Variants in CASK observed in about 807,000 individuals in gnomAD.
The protein encoded by CASK is peripheral plasma membrane protein CASK.
CASK carries 4 observed loss-of-function variants against 82.9 expected under a neutral mutation model. That is an observed-to-expected ratio of 0.05 (90% confidence interval 0.02 to 0.11). The LOEUF is 0.11. CASK is among the 10% of genes least tolerant of loss of function. The pLI is 1.00. For synonymous variants in CASK, 259 were observed against 253.5 expected, an observed-to-expected ratio of 1.02 and a Z score of -0.20; for missense variants, 358 against 720.9, an observed-to-expected ratio of 0.50 and a Z score of 5.76.
At chrX:41,870,614 T>A (rs979783154) in intron 1 of CASK, among the ~76,000 whole-genome samples, 2 of 112,437 alleles carry the variant, frequency 1.8e-5, no homozygotes, top group Admixed American at 9.4e-5. Flanking sequence ...ACAGAAAGAA[T>A]TAAAATATAT....
chrX:41,824,448 G>A (rs1276362752), intron 2 of CASK, among the ~76,000 whole-genome samples: 3 of 112,334 alleles, frequency 2.7e-5, no homozygotes, highest in Non-Finnish European at 5.6e-5. Flanking sequence ...GGGCACTGGA[G>A]GAGAAAGGGT....
chrX:41,614,469 G>C (rs1452554228), intron 11 of CASK, among the ~76,000 whole-genome samples: 1 of 111,724 alleles, frequency 9.0e-6, no homozygotes, highest in African/African-American at 3.3e-5. Context: ...CCAGGTTGTT[G>C]TGTGGATGTA....
chrX:41,545,811 C>T (rs1026011427), intron 21 of CASK, among the ~76,000 whole-genome samples: 2 of 110,205 alleles, frequency 1.8e-5, no homozygotes, highest in Non-Finnish European at 3.8e-5. Flanking sequence ...TTAAATGTCT[C>T]GAGATATAAT....
At chrX:41,657,917 G>C (rs765083435) in intron 8 of CASK, among the ~76,000 whole-genome samples, 4 of 111,687 alleles carry the variant, frequency 3.6e-5, no homozygotes, top group Non-Finnish European at 7.5e-5. Context: ...GGCAGGATTA[G>C]AGGGTTGGGA....
At chrX:41,858,673 T>C (rs1178011863) in intron 1 of CASK, among the ~76,000 whole-genome samples, 2 of 112,005 alleles carry the variant, frequency 1.8e-5, no homozygotes, top group Non-Finnish European at 3.8e-5. Flanking sequence ...AGCCAGACTA[T>C]GAACAAGAGC....
intron 1 of CASK, among the ~76,000 whole-genome samples, chrX:41,908,949 C>A (rs1248386135): frequency 8.9e-6 from 1 of 112,019 alleles, no homozygotes; most frequent in African/African-American, 3.2e-5. Flanking sequence ...AAATAAATGA[C>A]GGTGGCTGTG....
chrX:41,657,370 G>T (rs1420433073), intron 8 of CASK, among the ~76,000 whole-genome samples: 1 of 112,315 alleles, frequency 8.9e-6, no homozygotes, highest in Admixed American at 9.4e-5. Flanking sequence ...TTAGAACCTG[G>T]CAAGATCAAT....
rs72190097 is a variant in CASK at position 41,869,812 on chromosome X, C to CAAAAAAAAAAAAAA, written c.60-16599_60-16586dup. ...TGGGTGATGAAGTAAGACTCTGTCT[C>CAAAAAAAAAAAAAA]AAAAAAAAAAAAAAAAAAAAAAAAG... On this transcript the variant is annotated intron_variant, in intron 1 of 26. Transcript: ENST00000378163. 6.9e-3 allele frequency among the ~76,000 whole-genome samples: 83 copies of CAAAAAAAAAAAAAA among 12,112 alleles called. 12 individuals are homozygous for CAAAAAAAAAAAAAA. Among genetic ancestry groups the CAAAAAAAAAAAAAA allele is most frequent in the East Asian group, 0.068 (15 of 220 alleles). The allele number at this position is 12,112 out of a possible 115,157, so 10.5% of individuals were successfully genotyped here. A position where few individuals can be genotyped will look rare whatever the true frequency, so the allele number is the denominator to read the frequency against.
chrX:41,781,123 C>T (rs1480206860), intron 3 of CASK, among the ~76,000 whole-genome samples: 1 of 111,028 alleles, frequency 9.0e-6, no homozygotes, highest in African/African-American at 3.3e-5. Context: ...AAAATTTTTT[C>T]GTAGAGATGA....
At chrX:41,829,924 T>C (rs2070760951) in intron 2 of CASK, among the ~76,000 whole-genome samples, 1 of 103,161 alleles carries the variant, frequency 9.7e-6, no homozygotes, top group Non-Finnish European at 2.0e-5. Context: ...CTGGTTTTAA[T>C]TTGCATTTCT....
At chrX:41,676,110 A>G in intron 5 of CASK, 1 of 1,136,326 alleles carries the variant, frequency 8.8e-7, no homozygotes, top group South Asian at 1.8e-5. Flanking sequence ...ACCTCTGCCA[A>G]GTAATGGTAG....
intron 21 of CASK, among the ~76,000 whole-genome samples, chrX:41,550,155 C>T (rs779782006): frequency 9.0e-6 from 1 of 111,715 alleles, no homozygotes; most frequent in African/African-American, 3.3e-5. Context: ...GGCGAGACTC[C>T]GTCTCCAAAA....
chrX:41,709,862 C>A (rs913137126), intron 5 of CASK, among the ~76,000 whole-genome samples: 19 of 110,334 alleles, frequency 1.7e-4, no homozygotes, highest in African/African-American at 5.3e-4. Context: ...TCTTTTTTTC[C>A]CCTTGATTAA....
chrX:41,790,641 G>A (rs1322828296), intron 2 of CASK, among the ~76,000 whole-genome samples: 2 of 111,573 alleles, frequency 1.8e-5, no homozygotes, highest in Non-Finnish European at 3.8e-5. Flanking sequence ...TCAGAACACT[G>A]ATTTGACTTG....
At chrX:41,873,948 G>A (rs1340388086) in intron 1 of CASK, among the ~76,000 whole-genome samples, 2 of 109,082 alleles carry the variant, frequency 1.8e-5, no homozygotes, top group African/African-American at 3.4e-5. Context: ...ACACCACCAC[G>A]CCCAGCTAAT....
intron 1 of CASK, among the ~76,000 whole-genome samples, chrX:41,902,003 G>C (rs184880216): frequency 1.8e-5 from 2 of 111,208 alleles, no homozygotes; most frequent in African/African-American, 6.5e-5. Flanking sequence ...AACCAGGGAT[G>C]ATCCTGGAGC....
At chrX:41,566,253 A>C (rs1216956439) in intron 16 of CASK, among the ~76,000 whole-genome samples, 1 of 111,863 alleles carries the variant, frequency 8.9e-6, no homozygotes, top group African/African-American at 3.3e-5. Flanking sequence ...GGCAAGAGAA[A>C]GAAATAAAAG....
intron 21 of CASK, among the ~76,000 whole-genome samples, chrX:41,546,555 C>A (rs2065025770): frequency 8.9e-6 from 1 of 112,067 alleles, no homozygotes; most frequent in Non-Finnish European, 1.9e-5. Flanking sequence ...GCAACCTCCA[C>A]CTTTCAGGAT....
intron 5 of CASK, chrX:41,727,741 G>A: frequency 8.3e-7 from 1 of 1,207,646 alleles, no homozygotes; most frequent in Non-Finnish European, 1.1e-6. Flanking sequence ...GTCCATTATG[G>A]AGAAAGATTT....
Sources: gnomAD v4.1 joint callset for allele counts (sites outside exome capture counted in the v4.1 genomes callset) on GRCh38, gnomAD v4.1.1 for gene constraint, MANE v1.5 for transcripts, NCBI Gene and HGNC (gene_info 2026-07-23, HGNC 2026-07-21) for gene names.